The following SEC14L1 variants were observed in gnomAD, a reference collection of about 807,000 sequenced individuals.
SEC14L1 encodes SEC14-like protein 1.
Under a neutral mutation model 85.3 loss-of-function variants are expected in SEC14L1, and 48 were observed. The ratio of observed to expected loss-of-function variants is 0.56; its 90% CI spans 0.45 to 0.72. SEC14L1 has a LOEUF of 0.72. Among genes scored for constraint, SEC14L1 ranks in the 30% least tolerant of loss-of-function variants. The probability of loss-of-function intolerance (pLI) is 0.00; values close to 1 mark genes in which losing one functional copy is unlikely to be tolerated. For synonymous variants in SEC14L1, 391 were observed against 355.5 expected, an observed-to-expected ratio of 1.10 and a Z score of -1.12; for missense variants, 682 against 921.4, an observed-to-expected ratio of 0.74 and a Z score of 3.36.
At chr17:77,122,201 A>T (rs186108118) in intron 3 of SEC14L1, among the ~76,000 whole-genome samples, 2 of 152,232 alleles carry the variant, frequency 1.3e-5, no homozygotes, top group East Asian at 1.9e-4. Context: ...GCAATTAGTG[A>T]CACCAAATCA....
At chr17:77,152,061 G>A (rs902114030) in intron 3 of SEC14L1, among the ~76,000 whole-genome samples, 7 of 152,072 alleles carry the variant, frequency 4.6e-5, no homozygotes, top group African/African-American at 9.7e-5. Context: ...CTGCAGCCTC[G>A]AACTCCTGGG....
chr17:77,192,141 T>C (rs1404100743), intron 5 of SEC14L1, among the ~76,000 whole-genome samples: 1 of 152,210 alleles, frequency 6.6e-6, no homozygotes, highest in Non-Finnish European at 1.5e-5. Context: ...CTTACTGTAA[T>C]ATGTTAGAAA....
chr17:77,200,797 T>G (rs759709047), intron 9 of SEC14L1, 124 bp downstream of exon 9: 11 of 913,388 alleles, frequency 1.2e-5, no homozygotes, highest in Non-Finnish European at 1.8e-5. Flanking sequence ...CTCCTCACTC[T>G]GAGAATTTGG....
chr17:77,115,626 G>A (rs1972153697), intron 3 of SEC14L1, among the ~76,000 whole-genome samples: 1 of 152,052 alleles, frequency 6.6e-6, no homozygotes, highest in African/African-American at 2.4e-5. Context: ...CTTCCCTGAT[G>A]CTGCCCCCTC....
chr17:77,164,815 C>T (rs1445889438), intron 3 of SEC14L1, among the ~76,000 whole-genome samples: 1 of 152,104 alleles, frequency 6.6e-6, no homozygotes, highest in Non-Finnish European at 1.5e-5. Context: ...TGGAGTCTGG[C>T]AGATAATTGT....
chr17:77,103,353 T>C (rs1248337003), intron 3 of SEC14L1, among the ~76,000 whole-genome samples: 2 of 151,852 alleles, frequency 1.3e-5, no homozygotes, highest in African/African-American at 4.8e-5. Flanking sequence ...CCTCAGGTGA[T>C]CCACCTGCCT....
At position 77,200,622 on chromosome 17, in the gene SEC14L1, C is replaced by T; in HGVS notation, c.958C>T (p.Pro320Ser). The change falls in exon 9 of 17, where the codon CCT becomes TCT. Residue 320 changes from proline to serine, a missense_variant. This residue lies in a region of SEC14L1 where 420 missense variants were observed against 619.5 expected (regional missense o/e 0.68). Coordinates refer to ENST00000436233, the MANE Select transcript of SEC14L1 (RefSeq NM_001143998.2). ...CTACATTCTTGAAACCTGGACCCCT[C>T]CTCAGGTCCTTCAGGATTACTACGC... The part of the protein sequence containing the change: ...VDYILETWTP[P>S]QVLQDYYAGG... 1 of 1,614,118 alleles carries T rather than the reference C, an allele frequency of 6.2e-7. No homozygotes were observed. The highest frequency in any genetic ancestry group is 8.5e-7 in the Non-Finnish European group (1 of 1,180,008).
intron 3 of SEC14L1, among the ~76,000 whole-genome samples, chr17:77,124,645 C>A (rs966023197): frequency 5.9e-5 from 9 of 152,172 alleles, no homozygotes; most frequent in Non-Finnish European, 7.3e-5. Flanking sequence ...AAAGGCTTGG[C>A]CAAGATAAAT....
chr17:77,161,564 G>A (rs1222855240), intron 3 of SEC14L1, among the ~76,000 whole-genome samples: 1 of 152,086 alleles, frequency 6.6e-6, no homozygotes, highest in African/African-American at 2.4e-5. Context: ...GGGGGAAAAA[G>A]TAACTGGTCA....
At chr17:77,129,185 A>G (rs1172698281) in intron 3 of SEC14L1, among the ~76,000 whole-genome samples, 1 of 152,184 alleles carries the variant, frequency 6.6e-6, no homozygotes, top group African/African-American at 2.4e-5. Context: ...AAGCATTTAC[A>G]TAGAGTCTAA....
upstream of SEC14L1, among the ~76,000 whole-genome samples, chr17:77,138,123 A>G (rs565523435): frequency 1.8e-4 from 27 of 152,174 alleles, no homozygotes; most frequent in African/African-American, 6.3e-4. Context: ...GGGGGCCACA[A>G]GATCAGATGA....
chr17:77,121,952 C>T (rs919998645), intron 3 of SEC14L1, among the ~76,000 whole-genome samples: 3 of 152,200 alleles, frequency 2.0e-5, no homozygotes, highest in African/African-American at 4.8e-5. Context: ...TGAGGAACAC[C>T]ACAGTTTGCT....
At chr17:77,168,628 C>G (rs1421717550) in intron 3 of SEC14L1, among the ~76,000 whole-genome samples, 1 of 152,122 alleles carries the variant, frequency 6.6e-6, no homozygotes, top group Non-Finnish European at 1.5e-5. Context: ...GTAAAGCCTT[C>G]ATAATTGTTC....
In SEC14L1 at chr17:77,115,944, A is replaced by G. The variant is rs569951996; in HGVS notation, c.-136+22597A>G. On this transcript the variant is annotated intron_variant, in intron 3 of 19. Transcript: ENST00000392476. ...TTTTTTTTTTTTTAAATTTTGAGAC[A>G]GAGTCTCACTCTCACCCAGGCTGGA... 4.8e-4 allele frequency among the ~76,000 whole-genome samples: 73 copies of G among 151,274 alleles called. 1 individual carries two copies. Among genetic ancestry groups the G allele is most frequent in the African/African-American group, 1.6e-3 (67 of 41,226 alleles).
At chr17:77,202,905 A>G (rs1048317992) in intron 9 of SEC14L1, among the ~76,000 whole-genome samples, 1 of 150,748 alleles carries the variant, frequency 6.6e-6, no homozygotes, top group African/African-American at 2.4e-5. Context: ...GGTGACAGGG[A>G]GAGACTCTCT....
chr17:77,133,938 C>CAAAAA (rs539944837), intron 3 of SEC14L1, among the ~76,000 whole-genome samples: 1 of 93,802 alleles, frequency 1.1e-5, no homozygotes, highest in East Asian at 3.4e-4. Flanking sequence ...GACTCCATCT[C>CAAAAA]AAAAAAAAAA....
rs1337216702 is a variant in SEC14L1 at position 77,213,714 on chromosome 17, T to A, written c.2043-204T>A. 1.2e-6 allele frequency: 1 copy of A among 853,364 alleles called. No homozygotes were observed. Among genetic ancestry groups the A allele is most frequent in the East Asian group, 2.6e-5 (1 of 37,898 alleles). The allele number at this position is 853,364 out of a possible 1,614,324, so 52.9% of individuals were successfully genotyped here. ...CAGAGCCGACTGACTGCCTTTGCTT[T>A]AGCTCACACTGCCGTCTGCGTGCAG... On this transcript the variant is annotated intron_variant, in intron 16 of 16. Coordinates refer to ENST00000436233, the MANE Select transcript of SEC14L1 (RefSeq NM_001143998.2). This position sits in a 1 kb window ranked among gnomAD's most constrained non-coding sequence, Gnocchi z 7.1.
chr17:77,192,330 T>C (rs920137290), intron 5 of SEC14L1, among the ~76,000 whole-genome samples: 1 of 152,210 alleles, frequency 6.6e-6, no homozygotes, highest in Non-Finnish European at 1.5e-5. Context: ...TCCTTAACAC[T>C]GAATTCAAAG....
Position 77,158,960 on chromosome 17 carries a change from C to T in SEC14L1, c.63+15301C>T, listed in dbSNP as rs182983955. Among the ~76,000 whole-genome samples, 10 of 151,332 alleles carry T rather than the reference C, an allele frequency of 6.6e-5. No homozygotes were observed. In the South Asian group the frequency reaches 8.4e-4, roughly 13 times the overall value. On this transcript the variant is annotated intron_variant, in intron 3 of 16. Transcript: ENST00000436233. The stretch of plus-strand genomic sequence containing the variant: ...AGCTGGGATTACAAATGTGCACCAC[C>T]ACGCCCGGCTAATTTTTGTAATTTT...
Sources: allele counts gnomAD v4.1 joint callset (sites outside exome capture counted in the v4.1 genomes callset), GRCh38; gene constraint gnomAD v4.1.1; regional missense constraint gnomAD v4.1.1; non-coding constraint Gnocchi (gnomAD v3.1); transcripts MANE v1.5; gene names NCBI Gene and HGNC (gene_info 2026-07-23, HGNC 2026-07-21).